Variants in SERPINF1 observed in about 807,000 individuals in gnomAD.
SERPINF1 encodes serpin family F member 1.
Under a neutral mutation model 37.3 loss-of-function variants are expected in SERPINF1, and 29 were observed. That is an observed-to-expected ratio of 0.78 (90% CI 0.58 to 1.06). The LOEUF is 1.06. Ranked by LOEUF, SERPINF1 falls within the 50% of genes least tolerant of loss-of-function variation. The probability of loss-of-function intolerance (pLI) is 0.00; values close to 1 mark genes in which losing one functional copy is unlikely to be tolerated. For synonymous variants in SERPINF1, 281 were observed against 227.9 expected (o/e 1.23, Z -2.10); for missense variants, 553 against 532.2 (o/e 1.04, Z -0.38).
intron 2 of SERPINF1, 89 bp from the exon 3 acceptor site, chr17:1,769,763 A>G: frequency 6.9e-7 from 1 of 1,445,238 alleles, no homozygotes; most frequent in East Asian, 2.3e-5. Context: ...GGCCAGAACC[A>G]CCACCCTACA....
chr17:1,765,868 CAAAAAAAA>C (rs531558071), intron 1 of SERPINF1, among the ~76,000 whole-genome samples: 1 of 112,756 alleles, frequency 8.9e-6, no homozygotes, highest in East Asian at 2.6e-4. Flanking sequence ...TCTTGTCTCC[CAAAAAAAA>C]AAAAAAAAAA....
At chr17:1,769,124 A>G (rs958133920) in intron 2 of SERPINF1, among the ~76,000 whole-genome samples, 17 of 150,878 alleles carry the variant, frequency 1.1e-4, no homozygotes, top group African/African-American at 7.3e-5. Flanking sequence ...AAAGTGGGTC[A>G]TGGGGCTGGG....
intron 2 of SERPINF1, among the ~76,000 whole-genome samples, chr17:1,767,503 G>A (rs1001226014): frequency 1.3e-5 from 2 of 152,168 alleles, no homozygotes; most frequent in African/African-American, 2.4e-5. Context: ...TCATGTTCCC[G>A]GACATTTGTT....
chr17:1,769,082 T>C (rs999439630), intron 2 of SERPINF1, among the ~76,000 whole-genome samples: 1 of 151,546 alleles, frequency 6.6e-6, no homozygotes, highest in Non-Finnish European at 1.5e-5. Flanking sequence ...GCTGGGATTA[T>C]AGGTGTGAGC....
rs895682171 is a variant in SERPINF1 at position 1,771,902 on chromosome 17, C to G, written c.470C>G (p.Pro157Arg). Residue 157 changes from proline to arginine, a missense_variant, in exon 5 of 8, where the codon CCT (proline) becomes CGT (arginine). Physicochemically the swap from Pro to Arg is moderately radical, Grantham distance 103. Coordinates refer to ENST00000254722, the MANE Select transcript of SERPINF1 (RefSeq NM_002615.7). ...KLRIKSSFVA[P>R]LEKSYGTRPR... The stretch of plus-strand genomic sequence containing the variant: ...CGCATAAAATCCAGCTTTGTGGCAC[C>G]TCTGGAAAAGTCATATGGGACCAGG... 2.5e-6 allele frequency: 4 copies of G among 1,613,632 alleles called. No individual in the cohort carries two copies. In the African/African-American group the frequency reaches 5.3e-5, roughly 22 times the overall value.
Position 1,772,005 on chromosome 17 carries a change from G to C in SERPINF1, c.573G>C (p.Lys191Asn). The C allele has an allele frequency of 6.2e-7, 1 of 1,614,002 alleles. No homozygotes were observed. The highest frequency in any genetic ancestry group is 8.5e-7 in the Non-Finnish European group (1 of 1,180,026). Reference protein sequence around the residue: ...NNWVQAQMKGKLARSTKEIPD... With the variant: ...NNWVQAQMKGNLARSTKEIPD... ...GGGTGCAGGCGCAGATGAAAGGGAA[G>C]CTCGCCAGGTCCACAAAGGAAATTC... Residue 191 changes from lysine to asparagine, a missense_variant, in exon 5 of 8, where the codon AAG becomes AAC. Transcript: ENST00000254722.
chr17:1,777,271 G>C lies in SERPINF1; in HGVS notation c.1082G>C (p.Gly361Ala). 6.2e-7 allele frequency: 1 copy of C among 1,614,108 alleles called. No individual in the cohort carries two copies. The highest frequency in any genetic ancestry group is 8.5e-7 in the Non-Finnish European group (1 of 1,180,024). Residue 361 changes from glycine (G) to alanine (A), a missense_variant, in exon 8 of 8, where the codon GGC becomes GCC. Physicochemically the swap from Gly to Ala is moderately conservative, Grantham distance 60 (BLOSUM62 0). Coordinates refer to ENST00000254722, the MANE Select transcript of SERPINF1 (RefSeq NM_002615.7). ...CTGACTCAGGTGGAACACCGGGCTG[G>C]CTTTGAGTGGAACGAGGATGGGGCG... ...IKLTQVEHRA[G>A]FEWNEDGAGT...
intron 4 of SERPINF1, 38 bp from the exon 5 acceptor site, chr17:1,771,832 TCG>T (rs983297217): frequency 1.3e-6 from 2 of 1,593,490 alleles, no homozygotes; most frequent in African/African-American, 2.7e-5. Flanking sequence ...ATGCTTGTCG[TCG>T]AGTCTCATAC....
intron 2 of SERPINF1, among the ~76,000 whole-genome samples, chr17:1,767,763 G>C (rs1256604957): frequency 6.6e-6 from 1 of 152,194 alleles, no homozygotes; most frequent in Non-Finnish European, 1.5e-5. Flanking sequence ...TCCTAGCTTT[G>C]TGACCCTAGA....
intron 2 of SERPINF1, among the ~76,000 whole-genome samples, chr17:1,767,817 T>TA (rs1907475951): frequency 6.6e-6 from 1 of 152,230 alleles, no homozygotes; most frequent in African/African-American, 2.4e-5. Flanking sequence ...TGAAATGGGA[T>TA]AAAAACACCC....
rs1338136863 is a variant in SERPINF1 at position 1,771,808 on chromosome 17, C to G, written c.440-64C>G. 5.9e-6 allele frequency: 9 copies of G among 1,515,492 alleles called. No homozygotes were observed. In the East Asian group the frequency reaches 1.8e-4, roughly 30 times the overall value. The allele number at this position is 1,515,492 out of a possible 1,614,324, so 93.9% of individuals were successfully genotyped here. A position where few individuals can be genotyped will look rare whatever the true frequency, so the allele number is the denominator to read the frequency against. On this transcript the variant is annotated intron_variant, in intron 4 of 7. Transcript: ENST00000254722. Reference sequence around the variant, plus strand: ...TAAACCAGAACCCGAGCCTGGCAGGCTCTCAAAGACGGGATGCTTGTCGTC... The same window carrying G: ...TAAACCAGAACCCGAGCCTGGCAGGGTCTCAAAGACGGGATGCTTGTCGTC...
chr17:1,768,832 G>T (rs1332803279), intron 2 of SERPINF1, among the ~76,000 whole-genome samples: 2 of 151,386 alleles, frequency 1.3e-5, no homozygotes, highest in Non-Finnish European at 1.5e-5. Context: ...TTGAGACAGG[G>T]TCTCACTCTG....
In SERPINF1 at chr17:1,768,323, C is replaced by T. The variant is rs532910790; in HGVS notation, c.84+1329C>T. Among the ~76,000 whole-genome samples the T allele has an allele frequency of 7.9e-4, 118 of 148,912 alleles. 1 individual carries two copies. The highest frequency in any genetic ancestry group is 5.4e-3 in the South Asian group (25 of 4,644). ...GGGGGCGCCTGTAGTCCCAGCTACT[C>T]GGGAGGCTGAGGCAGGAGAATGGCG... On this transcript the variant is annotated intron_variant, in intron 2 of 7. Coordinates refer to ENST00000254722, the MANE Select transcript of SERPINF1 (RefSeq NM_002615.7).
chr17:1,769,236 C>T (rs537116300), intron 2 of SERPINF1, among the ~76,000 whole-genome samples: 11 of 151,584 alleles, frequency 7.3e-5, no homozygotes, highest in Admixed American at 2.6e-4. Flanking sequence ...GGTGAAACCC[C>T]GTCTCTACTA....
chr17:1,776,844 G>T (rs1004004055), intron 7 of SERPINF1, 102 bp downstream of exon 7: 1 of 1,101,848 alleles, frequency 9.1e-7, no homozygotes. Context: ...CCACAGGCTT[G>T]TAGGGGGGCC....
At chr17:1,764,817 C>T (rs147699359) in intron 1 of SERPINF1, among the ~76,000 whole-genome samples, 11 of 149,854 alleles carry the variant, frequency 7.3e-5, no homozygotes, top group African/African-American at 1.2e-4. Context: ...GGGGAGACAA[C>T]GCTGTTCAGA....
Position 1,776,237 on chromosome 17 carries a change from C to T in SERPINF1, c.787-295C>T, listed in dbSNP as rs1161992176. Among the ~76,000 whole-genome samples, 3 of 152,170 alleles carry T rather than the reference C, an allele frequency of 2.0e-5. No individual in the cohort carries two copies. In the South Asian group the frequency reaches 6.2e-4, roughly 32 times the overall value. On this transcript the variant is annotated intron_variant, in intron 6 of 7. Coordinates refer to ENST00000254722, the MANE Select transcript of SERPINF1 (RefSeq NM_002615.7). The stretch of plus-strand genomic sequence containing the variant: ...ATGGACTTTGGGAGAAAATAAAGAC[C>T]TGAAATTCAATTCTAGCTCCTTAAA...
intron 7 of SERPINF1, 115 bp from the exon 8 acceptor site, chr17:1,777,072 G>C: frequency 6.5e-7 from 1 of 1,536,344 alleles, no homozygotes; most frequent in Non-Finnish European, 9.0e-7. Context: ...GACCTCTTCA[G>C]GCCTCAGAGA....
rs1907776686 is a variant in SERPINF1, at chr17:1,772,035, T to C, written c.603T>C (p.Asp201=). 2 of 1,613,358 alleles carry C rather than the reference T, an allele frequency of 1.2e-6. No homozygotes were observed. The highest frequency in any genetic ancestry group is 8.5e-7 in the Non-Finnish European group (1 of 1,179,458). Reference sequence around the variant, plus strand: ...CCAGGTCCACAAAGGAAATTCCCGATGAGATCAGCATTCTCCTTCTCGGTG... The same window carrying C: ...CCAGGTCCACAAAGGAAATTCCCGACGAGATCAGCATTCTCCTTCTCGGTG... The part of the protein sequence containing the change: ...KLARSTKEIP[D]EISILLLGVA... Residue 201 remains aspartate, a synonymous_variant, in exon 5 of 8, where the codon GAT becomes GAC. Coordinates refer to ENST00000254722, the MANE Select transcript of SERPINF1 (RefSeq NM_002615.7).
Sources: allele counts gnomAD v4.1 joint callset (sites outside exome capture counted in the v4.1 genomes callset), GRCh38; gene constraint gnomAD v4.1.1; transcripts MANE v1.5; gene names NCBI Gene and HGNC (gene_info 2026-07-23, HGNC 2026-07-21).